Variants in GALNT17 observed in about 807,000 individuals in gnomAD.
GALNT17 encodes UDP-GalNAc:polypeptide N-acetylgalactosaminyltransferase-like 3.
A neutral mutation model predicts 63.7 loss-of-function variants in GALNT17; 29 were observed. The observed-to-expected ratio is 0.46, with a 90% CI of 0.34 to 0.62. GALNT17 has a LOEUF of 0.62. Among genes scored for constraint, GALNT17 ranks in the 20% least tolerant of loss-of-function variants. GALNT17 has a pLI of 0.01. For missense variants in GALNT17, 603 were observed against 799.6 expected (o/e 0.75, Z 2.97); for synonymous variants, 305 against 318.3 (o/e 0.96, Z 0.45).
chr7:71,210,379 C>G (rs553941319), intron 1 of GALNT17, among the ~76,000 whole-genome samples: 57 of 152,192 alleles, frequency 3.7e-4, no homozygotes, highest in African/African-American at 1.2e-3. Context: ...TCAGGTGATT[C>G]TCCTGCCTCG....
rs967946090 is a variant in GALNT17, at chr7:71,486,346, T to G, written c.962+65241T>G. Among the ~76,000 whole-genome samples, 6 of 78,176 alleles carry G rather than the reference T, an allele frequency of 7.7e-5. No individual in the cohort carries two copies. In the East Asian group the frequency reaches 3.2e-3, roughly 41 times the overall value. The allele number at this position is 78,176 out of a possible 152,430, so 51.3% of individuals were successfully genotyped here. A position where few individuals can be genotyped will look rare whatever the true frequency, so the allele number is the denominator to read the frequency against. The stretch of plus-strand genomic sequence containing the variant: ...AGAGCCTGTCTGAAAATAATAATAA[T>G]AATAATAATAATAATAATAATAATA... On this transcript the variant is annotated intron_variant, in intron 5 of 10. Coordinates refer to ENST00000333538, the MANE Select transcript of GALNT17 (RefSeq NM_022479.3).
intron 2 of GALNT17, among the ~76,000 whole-genome samples, chr7:71,366,194 C>A (rs1033156881): frequency 6.6e-6 from 1 of 152,238 alleles, no homozygotes; most frequent in Non-Finnish European, 1.5e-5. Flanking sequence ...TCCTGACGCT[C>A]ACCTCCTGCT....
At chr7:71,248,763 A>G (rs1790145280) in intron 1 of GALNT17, among the ~76,000 whole-genome samples, 1 of 152,170 alleles carries the variant, frequency 6.6e-6, no homozygotes, top group African/African-American at 2.4e-5. Context: ...TCTATACATC[A>G]GCTCATTCGG....
intron 6 of GALNT17, among the ~76,000 whole-genome samples, chr7:71,580,345 TGATA>T (rs1358325777): frequency 3.3e-5 from 5 of 151,798 alleles, no homozygotes; most frequent in African/African-American, 9.7e-5. Context: ...TAGATATAGA[TGATA>T]GATTAGACAG....
At chr7:71,483,473 A>T (rs906649096) in intron 5 of GALNT17, among the ~76,000 whole-genome samples, 2 of 152,044 alleles carry the variant, frequency 1.3e-5, no homozygotes, top group Non-Finnish European at 2.9e-5. Context: ...CCTTCCAAAA[A>T]TAAAAAAGGA....
chr7:71,703,548 C>T (rs1447817872), intron 9 of GALNT17, among the ~76,000 whole-genome samples: 2 of 152,216 alleles, frequency 1.3e-5, no homozygotes, highest in Admixed American at 6.5e-5. Flanking sequence ...ATCTCCAACA[C>T]CGTCAATCAC....
intron 6 of GALNT17, among the ~76,000 whole-genome samples, chr7:71,612,287 A>C (rs1284089154): frequency 6.6e-6 from 1 of 152,180 alleles, no homozygotes; most frequent in Non-Finnish European, 1.5e-5. Context: ...CCCACATTGC[A>C]CTGTGGCTAA....
chr7:71,243,127 G>C (rs1790029812), intron 1 of GALNT17, among the ~76,000 whole-genome samples: 1 of 152,104 alleles, frequency 6.6e-6, no homozygotes, highest in East Asian at 1.9e-4. Flanking sequence ...TTGTGATAGT[G>C]AGTGATTTCT....
chr7:71,567,659 G>A (rs1245128718), intron 5 of GALNT17, among the ~76,000 whole-genome samples: 2 of 152,072 alleles, frequency 1.3e-5, no homozygotes, highest in East Asian at 1.9e-4. Context: ...GAGACGGGGT[G>A]TCACCATGTT....
intron 6 of GALNT17, among the ~76,000 whole-genome samples, chr7:71,615,700 A>G (rs1790191797): frequency 6.6e-6 from 1 of 151,474 alleles, no homozygotes; most frequent in South Asian, 2.1e-4. Flanking sequence ...CTGGTCTCCA[A>G]CTCCTGGCCT....
intron 1 of GALNT17, among the ~76,000 whole-genome samples, chr7:71,194,832 A>G (rs1198608852): frequency 2.0e-5 from 3 of 152,354 alleles, no homozygotes; most frequent in Middle Eastern, 3.4e-3. Flanking sequence ...GCCCTTCAGC[A>G]TCACGGTGCT....
chr7:71,624,151 A>G (rs574311791), intron 6 of GALNT17, among the ~76,000 whole-genome samples: 1 of 152,156 alleles, frequency 6.6e-6, no homozygotes, highest in South Asian at 2.1e-4. Flanking sequence ...TGTATTTGCC[A>G]CTACCCAGAG....
At chr7:71,584,802 C>T (rs574942877) in intron 6 of GALNT17, among the ~76,000 whole-genome samples, 49 of 152,008 alleles carry the variant, frequency 3.2e-4, no homozygotes, top group African/African-American at 1.2e-3. Flanking sequence ...CAGAGTCTCG[C>T]GAAGTGCAGT....
intron 6 of GALNT17, among the ~76,000 whole-genome samples, chr7:71,607,206 G>C (rs907000363): frequency 6.6e-6 from 1 of 152,084 alleles, no homozygotes; most frequent in Non-Finnish European, 1.5e-5. Context: ...TGATACCCAA[G>C]ATAGCGATAT....
chr7:71,489,249 C>T (rs1213504945), intron 5 of GALNT17, among the ~76,000 whole-genome samples: 1 of 152,114 alleles, frequency 6.6e-6, no homozygotes, highest in Non-Finnish European at 1.5e-5. Flanking sequence ...CTCTAGGGGC[C>T]ACACTCTAAG....
At chr7:71,530,051 ATAAT>A (rs1041779946) in intron 5 of GALNT17, among the ~76,000 whole-genome samples, 17 of 152,358 alleles carry the variant, frequency 1.1e-4, no homozygotes, top group Admixed American at 7.2e-4. Context: ...ACAAGAACAC[ATAAT>A]TAGTTAGTTG....
chr7:71,474,667 A>G (rs892748855), intron 5 of GALNT17, among the ~76,000 whole-genome samples: 1 of 152,184 alleles, frequency 6.6e-6, no homozygotes, highest in African/African-American at 2.4e-5. Flanking sequence ...AAAAAAAATC[A>G]TTACAAGAGT....
chr7:71,711,675 TCTCTCTC>T (rs576310124), intron 10 of GALNT17, among the ~76,000 whole-genome samples: 77 of 145,840 alleles, frequency 5.3e-4, no homozygotes, highest in African/African-American at 1.9e-3. Context: ...TCTCTTTTTC[TCTCTCTC>T]CTCTCTATCT....
chr7:71,445,179 C>CT (rs748963165), intron 5 of GALNT17, among the ~76,000 whole-genome samples: 3,566 of 130,390 alleles, frequency 0.027, 76 homozygotes, highest in South Asian at 0.058. Context: ...TTCTTTCTTT[C>CT]TTTTTTTTTT....
Sources: gnomAD v4.1 joint callset for allele counts (sites outside exome capture counted in the v4.1 genomes callset) on GRCh38, gnomAD v4.1.1 for gene constraint, MANE v1.5 for transcripts, NCBI Gene and HGNC (gene_info 2026-07-23, HGNC 2026-07-21) for gene names.